Variants in ARHGEF3 observed in about 807,000 individuals in gnomAD.
The protein encoded by ARHGEF3 is 59.8 kDA protein.
In ARHGEF3, 28 loss-of-function variants were observed where a neutral mutation model predicts 63.2. That is an observed-to-expected ratio of 0.44 (90% CI 0.33 to 0.61). ARHGEF3 has a LOEUF of 0.61. Ranked by LOEUF, ARHGEF3 falls within the 20% of genes least tolerant of loss-of-function variation. The probability of loss-of-function intolerance (pLI) is 0.03; values close to 1 mark genes in which losing one functional copy is unlikely to be tolerated. For missense variants in ARHGEF3, 533 were observed against 659.3 expected (o/e 0.81, Z 2.10); for synonymous variants, 266 against 254.2 (o/e 1.05, Z -0.44).
intron 4 of ARHGEF3, among the ~76,000 whole-genome samples, chr3:56,846,648 A>C (rs2039499723): frequency 6.6e-6 from 1 of 152,198 alleles, no homozygotes. Flanking sequence ...CTGTACACCC[A>C]AAATTATATG....
chr3:56,848,590 G>C (rs982596956), intron 4 of ARHGEF3, among the ~76,000 whole-genome samples: 1 of 152,106 alleles, frequency 6.6e-6, no homozygotes, highest in Non-Finnish European at 1.5e-5. Context: ...TTTGGTAGGG[G>C]GTAGGGCTGC....
intron 2 of ARHGEF3, among the ~76,000 whole-genome samples, chr3:57,017,693 G>A (rs1397105996): frequency 6.6e-6 from 1 of 152,174 alleles, no homozygotes; most frequent in South Asian, 2.1e-4. Flanking sequence ...CCTTTCCCAC[G>A]ATGTCGTCAC....
At chr3:56,868,536 T>A (rs1017107663) in intron 4 of ARHGEF3, among the ~76,000 whole-genome samples, 1 of 152,066 alleles carries the variant, frequency 6.6e-6, no homozygotes, top group Admixed American at 6.6e-5. Context: ...CTAATTTTTA[T>A]ATTTTTAGTA....
rs1560053860 is a variant in ARHGEF3, at chr3:56,923,062, AT to A, written c.129+35760del. On this transcript the variant is annotated intron_variant, in intron 3 of 12. Transcript: ENST00000338458. ...TATATATATATATATATATATATAT[AT>A]ATATATATATATAAATTAGTTGGGC... Among the ~76,000 whole-genome samples the A allele has an allele frequency of 5.6e-3, 165 of 29,622 alleles. 1 individual carries two copies. The highest frequency in any genetic ancestry group is 0.016 in the African/African-American group (155 of 9,786). The allele number at this position is 29,622 out of a possible 152,430, so 19.4% of individuals were successfully genotyped here.
intron 3 of ARHGEF3, among the ~76,000 whole-genome samples, chr3:56,885,135 T>G (rs1288352239): frequency 6.6e-6 from 1 of 152,198 alleles, no homozygotes. Flanking sequence ...CAACACGTGC[T>G]GGGCAATGAA....
At chr3:56,924,540 G>A (rs139205781) in intron 3 of ARHGEF3, among the ~76,000 whole-genome samples, 1 of 152,318 alleles carries the variant, frequency 6.6e-6, no homozygotes, top group Non-Finnish European at 1.5e-5. Flanking sequence ...CTCCATAGAC[G>A]GTTGCCCATT....
rs146635435 is a variant in ARHGEF3, at chr3:57,022,327, C to T, written c.62+12761G>A. On this transcript the variant is annotated intron_variant, in intron 2 of 12. Coordinates refer to the ARHGEF3 transcript ENST00000338458. The stretch of plus-strand genomic sequence containing the variant: ...TCTTTGCCAACAAAGGAAGAGAGGA[C>T]CCATCTTTCAAGACATGACTCGCAA... Among the ~76,000 whole-genome samples the T allele has an allele frequency of 1.5e-3, 227 of 151,634 alleles. 1 individual carries two copies. The highest frequency in any genetic ancestry group is 7.1e-3 in the Middle Eastern group (2 of 280).
chr3:56,777,409 A>G (rs2036335398), intron 1 of ARHGEF3, among the ~76,000 whole-genome samples: 1 of 152,264 alleles, frequency 6.6e-6, no homozygotes, highest in Non-Finnish European at 1.5e-5. Flanking sequence ...CTTGTGTTTA[A>G]TTATGAACAA....
intron 2 of ARHGEF3, among the ~76,000 whole-genome samples, chr3:56,987,552 G>A (rs577385041): frequency 1.3e-5 from 2 of 152,284 alleles, no homozygotes; most frequent in Non-Finnish European, 2.9e-5. Context: ...GGGACGGGGT[G>A]ATGAACACTC....
chr3:56,875,964 A>G (rs1445393166), intron 4 of ARHGEF3, among the ~76,000 whole-genome samples: 1 of 152,052 alleles, frequency 6.6e-6, no homozygotes, highest in East Asian at 1.9e-4. Flanking sequence ...GTGGTAGGGA[A>G]TGGCTGGAGG....
rs574901746 is a variant in ARHGEF3, at chr3:56,969,398, A to G, written c.63-10509T>C. 1.1e-4 allele frequency among the ~76,000 whole-genome samples: 13 copies of G among 113,904 alleles called. No individual in the cohort carries two copies. In the South Asian group the frequency reaches 2.8e-3, roughly 24 times the overall value. 74.7% of individuals were successfully genotyped at this position (113,904 alleles called of 152,430 possible). A position where few individuals can be genotyped will look rare whatever the true frequency, so the allele number is the denominator to read the frequency against. On this transcript the variant is annotated intron_variant, in intron 2 of 12. Transcript: ENST00000338458. ...CTTTTTTTCTTATTGATTGATCAAT[A>G]AGAATTTTTCATATATTCAGGACAT...
intron 4 of ARHGEF3, among the ~76,000 whole-genome samples, chr3:56,817,143 A>G (rs1263599288): frequency 6.6e-6 from 1 of 152,204 alleles, no homozygotes; most frequent in Non-Finnish European, 1.5e-5. Flanking sequence ...ATCAACCATC[A>G]AGCAAGTTAC....
chr3:57,073,893 C>T (rs1308523904), intron 1 of ARHGEF3: 2 of 1,614,178 alleles, frequency 1.2e-6, no homozygotes, highest in African/African-American at 1.3e-5. Context: ...AGCCTCTGCC[C>T]TCCCAGAGCT....
At chr3:56,900,533 G>C (rs902639066) in intron 3 of ARHGEF3, among the ~76,000 whole-genome samples, 1 of 152,108 alleles carries the variant, frequency 6.6e-6, no homozygotes, top group African/African-American at 2.4e-5. Context: ...TGGAGGCTGA[G>C]GCAGGAGGAT....
chr3:56,860,079 G>A (rs1401138023), intron 4 of ARHGEF3, among the ~76,000 whole-genome samples: 1 of 151,848 alleles, frequency 6.6e-6, no homozygotes, highest in African/African-American at 2.4e-5. Flanking sequence ...TCGATAGATA[G>A]ATAAAAATTA....
At chr3:57,022,788 G>A (rs752389178) in intron 2 of ARHGEF3, among the ~76,000 whole-genome samples, 7 of 151,702 alleles carry the variant, frequency 4.6e-5, no homozygotes, top group Non-Finnish European at 7.4e-5. Flanking sequence ...GACATGACTC[G>A]CAGTAGCAGG....
intron 1 of ARHGEF3, among the ~76,000 whole-genome samples, chr3:57,064,640 A>G (rs971886029): frequency 1.3e-5 from 2 of 152,250 alleles, no homozygotes; most frequent in African/African-American, 2.4e-5. Flanking sequence ...ATGTTACAAC[A>G]TGGGTGAACC....
Position 57,067,859 on chromosome 3 carries a change from G to A in ARHGEF3, c.-28+11367C>T, listed in dbSNP as rs552670828. ...AAAAAAATTAGCCAGGCAAAGTGGC[G>A]GGCTCCTGTGGTCCCAGCTACTCAG... On this transcript the variant is annotated intron_variant, in intron 1 of 12. Transcript: ENST00000338458. Among the ~76,000 whole-genome samples, 21 of 151,608 alleles carry A rather than the reference G, an allele frequency of 1.4e-4. No individual in the cohort carries two copies. In the South Asian group the frequency reaches 4.0e-3, roughly 29 times the overall value.
At chr3:56,961,062 C>T (rs1700257865) in intron 2 of ARHGEF3, among the ~76,000 whole-genome samples, 1 of 152,156 alleles carries the variant, frequency 6.6e-6, no homozygotes. Context: ...ATAATTAACA[C>T]AGATTCAATT....
Sources: allele counts gnomAD v4.1 joint callset (sites outside exome capture counted in the v4.1 genomes callset), GRCh38; gene constraint gnomAD v4.1.1; transcripts MANE v1.5; gene names NCBI Gene and HGNC (gene_info 2026-07-23, HGNC 2026-07-21).